The following ARB2A variants were observed in gnomAD, a reference collection of about 807,000 sequenced individuals.
ARB2A encodes the protein cotranscriptional regulator ARB2A.
chr5:93,724,483 T>C, the ARB2A span, among the ~76,000 whole-genome samples: 8 of 152,204 alleles, frequency 5.3e-5, no homozygotes, highest in Middle Eastern at 3.4e-3. Flanking sequence ...CCAATTAAGC[T>C]ATGGCATGAT....
At chr5:93,830,317 A>ATGTGTGTG in the ARB2A span, among the ~76,000 whole-genome samples, 8 of 55,550 alleles carry the variant, frequency 1.4e-4, no homozygotes, top group Non-Finnish European at 2.4e-4. Context: ...GTGTGTATAT[A>ATGTGTGTG]TATATATATA....
At chr5:93,961,861 A>G in the ARB2A span, among the ~76,000 whole-genome samples, 2 of 152,326 alleles carry the variant, frequency 1.3e-5, no homozygotes, top group Middle Eastern at 3.4e-3. Context: ...AACAATGAAA[A>G]TGAAAAATGT....
the ARB2A span, among the ~76,000 whole-genome samples, chr5:93,999,487 G>A: frequency 6.6e-6 from 1 of 151,932 alleles, no homozygotes; most frequent in South Asian, 2.1e-4. Context: ...CCCTTGTGCT[G>A]CCCAGAAAAT....
the ARB2A span, among the ~76,000 whole-genome samples, chr5:93,998,827 G>A: frequency 1.3e-5 from 2 of 151,948 alleles, no homozygotes; most frequent in South Asian, 4.1e-4. Context: ...CCCAGTTACT[G>A]TAATGCTTAT....
chr5:93,810,958 C>T, the ARB2A span, among the ~76,000 whole-genome samples: 2 of 152,056 alleles, frequency 1.3e-5, no homozygotes, highest in Non-Finnish European at 2.9e-5. Flanking sequence ...AATGTAGTTA[C>T]ATCACAGGGT....
chr5:93,824,307 T>C, the ARB2A span: 7 of 1,425,524 alleles, frequency 4.9e-6, no homozygotes, highest in Non-Finnish European at 6.6e-6. Context: ...ATATTATACC[T>C]AATTATTATC....
At chr5:94,014,410 T>A in the ARB2A span, among the ~76,000 whole-genome samples, 1 of 152,042 alleles carries the variant, frequency 6.6e-6, no homozygotes, top group South Asian at 2.1e-4. Flanking sequence ...TAAGCAAATA[T>A]ATCAAATAAA....
the ARB2A span, among the ~76,000 whole-genome samples, chr5:93,660,919 T>C: frequency 1.3e-5 from 2 of 152,150 alleles, no homozygotes; most frequent in Admixed American, 6.6e-5. Context: ...GGGGTACTGA[T>C]AATATCAGTG....
chr5:93,805,851 A>G, the ARB2A span: 3 of 985,000 alleles, frequency 3.0e-6, no homozygotes, highest in Non-Finnish European at 3.6e-6. Context: ...GTATACAGTC[A>G]ATGGTTCTTC....
the ARB2A span, among the ~76,000 whole-genome samples, chr5:93,930,458 A>G: frequency 1.3e-5 from 2 of 152,236 alleles, no homozygotes; most frequent in Non-Finnish European, 2.9e-5. Context: ...CAATTCTTAT[A>G]TGGTAAAGAT....
the ARB2A span, among the ~76,000 whole-genome samples, chr5:93,909,835 T>C: frequency 3.3e-5 from 5 of 151,034 alleles, no homozygotes; most frequent in East Asian, 9.7e-4. Context: ...TATATAACAA[T>C]ATTTTAAGTC....
chr5:93,816,563 A>T, the ARB2A span, among the ~76,000 whole-genome samples: 1 of 152,168 alleles, frequency 6.6e-6, no homozygotes, highest in East Asian at 1.9e-4. Flanking sequence ...TCAGCTACAA[A>T]CAATGCAGGG....
the ARB2A span, among the ~76,000 whole-genome samples, chr5:93,701,819 C>G: frequency 6.6e-6 from 1 of 152,086 alleles, no homozygotes; most frequent in African/African-American, 2.4e-5. Context: ...TGCTATTTTA[C>G]TGGCTTAAAG....
the ARB2A span, among the ~76,000 whole-genome samples, chr5:93,983,295 G>A: frequency 4.6e-5 from 7 of 150,604 alleles, no homozygotes; most frequent in Admixed American, 3.3e-4. Flanking sequence ...TCAAGACCTG[G>A]AGCACAGAAA....
At chr5:93,670,619 C>T in the ARB2A span, among the ~76,000 whole-genome samples, 1 of 152,186 alleles carries the variant, frequency 6.6e-6, no homozygotes, top group Admixed American at 6.5e-5. Flanking sequence ...ATTAAATTCC[C>T]ACAAAATGAA....
At chr5:93,693,621 C>A in the ARB2A span, among the ~76,000 whole-genome samples, 1 of 152,098 alleles carries the variant, frequency 6.6e-6, no homozygotes, top group Non-Finnish European at 1.5e-5. Context: ...TGAATTCTAG[C>A]AGAAGTACAA....
At chr5:93,757,558 G>T in the ARB2A span, among the ~76,000 whole-genome samples, 1 of 152,188 alleles carries the variant, frequency 6.6e-6, no homozygotes, top group Admixed American at 6.5e-5. Context: ...AGCCAGAAGG[G>T]ATAGGGGGCA....
the ARB2A span, among the ~76,000 whole-genome samples, chr5:94,053,957 T>C: frequency 2.6e-5 from 4 of 152,068 alleles, no homozygotes; most frequent in Admixed American, 6.5e-5. Context: ...TTCACAGAGA[T>C]GGGGTTTCAC....
the ARB2A span, among the ~76,000 whole-genome samples, chr5:94,015,427 AC>A: frequency 8.5e-5 from 13 of 152,142 alleles, no homozygotes; most frequent in African/African-American, 2.7e-4. Context: ...GAAAAAAAAA[AC>A]AACTAATGTG....
Sources: allele counts gnomAD v4.1 joint callset (sites outside exome capture counted in the v4.1 genomes callset), GRCh38; gene constraint gnomAD v4.1.1; transcripts MANE v1.5; gene names NCBI Gene and HGNC (gene_info 2026-07-23, HGNC 2026-07-21).